The following FRMD3 variants were observed in gnomAD, a reference collection of about 807,000 sequenced individuals.
FRMD3 encodes FERM domain containing 3.
Under a neutral mutation model 70.2 loss-of-function variants are expected in FRMD3, and 33 were observed. The observed-to-expected ratio is 0.47, with a 90% confidence interval of 0.36 to 0.63. The LOEUF (loss-of-function observed/expected upper bound fraction) is 0.63, where lower values mean the gene tolerates loss of function less well. Ranked by LOEUF, FRMD3 falls within the 20% of genes least tolerant of loss-of-function variation. The probability of loss-of-function intolerance (pLI) is 0.00; values close to 1 mark genes in which losing one functional copy is unlikely to be tolerated. For synonymous variants in FRMD3, 279 were observed against 255.9 expected (o/e 1.09, Z -0.86); for missense variants, 632 against 711.4 (o/e 0.89, Z 1.27).
the FRMD3 span, among the ~76,000 whole-genome samples, chr9:83,550,887 G>A: frequency 2.6e-5 from 4 of 152,050 alleles, no homozygotes; most frequent in Non-Finnish European, 5.9e-5. Context: ...ACAAGACTAT[G>A]GGGTTTTCTA....
chr9:83,520,852 C>T (rs1360934153), intron 1 of FRMD3, among the ~76,000 whole-genome samples: 3 of 151,590 alleles, frequency 2.0e-5, no homozygotes, highest in Non-Finnish European at 2.9e-5. Context: ...CCGGCTGGCA[C>T]AGTGGCTCAC....
At chr9:83,543,186 A>G (rs951734080), upstream of FRMD3, among the ~76,000 whole-genome samples, 1 of 151,914 alleles carries the variant, frequency 6.6e-6, no homozygotes, top group African/African-American at 2.4e-5. Context: ...GTGAAAAATC[A>G]TAACTCAAAA....
chr9:83,377,998 C>T lies in FRMD3; in HGVS notation c.253-5043G>A, dbSNP rs182355786. Among the ~76,000 whole-genome samples the T allele has an allele frequency of 1.4e-3, 213 of 152,246 alleles. 1 individual carries two copies. The highest frequency in any genetic ancestry group is 2.5e-3 in the Non-Finnish European group (167 of 68,022). Reference sequence around the variant, plus strand: ...ACACAGGGTTGACATTGTGGTCAGACCTAGGAGCCAGCAGGCCTAGATTCA... The same window carrying T: ...ACACAGGGTTGACATTGTGGTCAGATCTAGGAGCCAGCAGGCCTAGATTCA... On this transcript the variant is annotated intron_variant, in intron 2 of 13. Coordinates refer to ENST00000304195, the MANE Select transcript of FRMD3 (RefSeq NM_174938.6).
rs1829921221 is a variant in FRMD3, at chr9:83,537,443, G to A, written c.147+642C>T. On this transcript the variant is annotated intron_variant, in intron 1 of 13. Transcript: ENST00000304195. The surrounding 1 kb of genome is among the most constrained non-coding windows in gnomAD (Gnocchi z 4.1). ...TCAGACTTCACACATTCCTTTCGAG[G>A]TAGCTCCAGTCCGGCGCAGCGCGCG... Among the ~76,000 whole-genome samples the A allele has an allele frequency of 6.6e-6, 1 of 152,226 alleles. No homozygotes were observed. The highest frequency in any genetic ancestry group is 2.4e-5 in the African/African-American group (1 of 41,458).
At chr9:83,531,234 T>G (rs1046683305) in intron 1 of FRMD3, among the ~76,000 whole-genome samples, 11 of 152,176 alleles carry the variant, frequency 7.2e-5, no homozygotes, top group African/African-American at 2.4e-4. Context: ...ATTCAAGACT[T>G]CTGAATATAT....
chr9:83,500,502 G>GCGCGCACA (rs1367435493), intron 1 of FRMD3, among the ~76,000 whole-genome samples: 9 of 143,714 alleles, frequency 6.3e-5, no homozygotes, highest in African/African-American at 2.3e-4. Context: ...GTGTATGCGC[G>GCGCGCACA]CACACACACA....
the FRMD3 span, among the ~76,000 whole-genome samples, chr9:83,555,915 C>T: frequency 5.3e-5 from 8 of 152,276 alleles, no homozygotes; most frequent in East Asian, 1.9e-4. Context: ...TTCCCGGGAT[C>T]GGTCATTCAC....
chr9:83,581,585 T>C, the FRMD3 span, among the ~76,000 whole-genome samples: 1 of 152,174 alleles, frequency 6.6e-6, no homozygotes, highest in Non-Finnish European at 1.5e-5. Flanking sequence ...ACTTACCATA[T>C]GATTCAATAA....
At chr9:83,367,998 C>T (rs1180900200) in intron 3 of FRMD3, among the ~76,000 whole-genome samples, 3 of 151,944 alleles carry the variant, frequency 2.0e-5, no homozygotes, top group Admixed American at 1.3e-4. Flanking sequence ...CCATTGTGTT[C>T]TTCTATTATA....
At chr9:83,570,380 G>GC in the FRMD3 span, among the ~76,000 whole-genome samples, 13 of 152,188 alleles carry the variant, frequency 8.5e-5, no homozygotes, top group Non-Finnish European at 1.6e-4. Flanking sequence ...ACAAGAAATT[G>GC]CCATCTTGGA....
intron 1 of FRMD3, among the ~76,000 whole-genome samples, chr9:83,530,672 C>A (rs186322665): frequency 6.6e-6 from 1 of 152,220 alleles, no homozygotes; most frequent in African/African-American, 2.4e-5. Context: ...TCCAAAAAGG[C>A]AAACAATATC....
intron 1 of FRMD3, among the ~76,000 whole-genome samples, chr9:83,407,823 A>AG (rs1826149393): frequency 9.2e-6 from 1 of 108,874 alleles, no homozygotes; most frequent in South Asian, 2.8e-4. Context: ...CCAGCAGAGG[A>AG]GGGGGGTTGT....
chr9:83,325,939 A>G (rs12000548), intron 6 of FRMD3, among the ~76,000 whole-genome samples: 68,615 of 152,046 alleles, frequency 0.45, 16,079 homozygotes, highest in African/African-American at 0.59. Flanking sequence ...TTGGAACATC[A>G]TCACACCCAC....
intron 1 of FRMD3, among the ~76,000 whole-genome samples, chr9:83,406,387 C>G (rs1826104544): frequency 6.6e-6 from 1 of 152,206 alleles, no homozygotes; most frequent in Non-Finnish European, 1.5e-5. Context: ...TCTGGAGGAC[C>G]AGTTGGGTAG....
intron 1 of FRMD3, among the ~76,000 whole-genome samples, chr9:83,497,192 T>G (rs1828962405): frequency 6.6e-6 from 1 of 152,228 alleles, no homozygotes; most frequent in African/African-American, 2.4e-5. Flanking sequence ...CACAATACTC[T>G]TTCCATTTGT....
chr9:83,568,530 T>C, the FRMD3 span, among the ~76,000 whole-genome samples: 3 of 152,238 alleles, frequency 2.0e-5, no homozygotes, highest in African/African-American at 4.8e-5. Flanking sequence ...GAGTGAAATA[T>C]GCCAGGCACA....
intron 1 of FRMD3, among the ~76,000 whole-genome samples, chr9:83,490,434 G>A (rs566409060): frequency 2.6e-5 from 4 of 151,870 alleles, no homozygotes; most frequent in East Asian, 1.9e-4. Context: ...GATTACAGGC[G>A]CCCACCACCA....
At chr9:83,447,685 G>A (rs72745102) in intron 1 of FRMD3, among the ~76,000 whole-genome samples, 6,514 of 152,180 alleles carry the variant, frequency 0.043, 184 homozygotes, top group African/African-American at 0.069. Flanking sequence ...TGTTACCATC[G>A]GCAATGGAGG....
At chr9:83,455,899 C>G (rs1208376397) in intron 1 of FRMD3, among the ~76,000 whole-genome samples, 1 of 152,088 alleles carries the variant, frequency 6.6e-6, no homozygotes, top group Non-Finnish European at 1.5e-5. Flanking sequence ...TCAGTGTGTT[C>G]CATAATCATT....
Sources: allele counts gnomAD v4.1 joint callset (sites outside exome capture counted in the v4.1 genomes callset), GRCh38; gene constraint gnomAD v4.1.1; non-coding constraint Gnocchi (gnomAD v3.1); transcripts MANE v1.5; gene names NCBI Gene and HGNC (gene_info 2026-07-23, HGNC 2026-07-21).